Variants in TFEC observed in about 807,000 individuals in gnomAD.
TFEC encodes transcription factor EC.
A neutral mutation model predicts 41.6 loss-of-function variants in TFEC; 31 were observed. That is an observed-to-expected ratio of 0.74 (90% confidence interval 0.56 to 1.01). TFEC has a LOEUF of 1.01. Ranked by LOEUF, TFEC falls within the 50% of genes least tolerant of loss-of-function variation. TFEC has a pLI of 0.00. For missense variants in TFEC, 402 were observed against 404.1 expected, an observed-to-expected ratio of 0.99 and a Z score of 0.04; for synonymous variants, 143 against 140.6, an observed-to-expected ratio of 1.02 and a Z score of -0.12.
chr7:116,074,292 C>T (rs62475197), intron 3 of TFEC, among the ~76,000 whole-genome samples: 16,526 of 151,602 alleles, frequency 0.11, 1,166 homozygotes, highest in Middle Eastern at 0.17. Context: ...GTTTGTCCTC[C>T]AAAGAACACC....
intron 1 of TFEC, among the ~76,000 whole-genome samples, chr7:116,008,790 T>G (rs1794897355): frequency 6.6e-6 from 1 of 152,178 alleles, no homozygotes; most frequent in African/African-American, 2.4e-5. Context: ...TGAACTAAAG[T>G]AGAGCCCGGT....
intron 3 of TFEC, among the ~76,000 whole-genome samples, chr7:115,963,478 T>C (rs889648948): frequency 6.6e-6 from 1 of 151,706 alleles, no homozygotes; most frequent in Non-Finnish European, 1.5e-5. Context: ...AAACAGATAA[T>C]TGTACACCAG....
At chr7:116,046,913 T>G (rs899907001) in intron 3 of TFEC, among the ~76,000 whole-genome samples, 1 of 152,244 alleles carries the variant, frequency 6.6e-6, no homozygotes, top group Non-Finnish European at 1.5e-5. Context: ...CCCTTGAATT[T>G]ATTATTTAAA....
At chr7:116,110,575 G>T in intron 3 of TFEC, 1 of 524,150 alleles carries the variant, frequency 1.9e-6, no homozygotes, top group Non-Finnish European at 3.0e-6. Flanking sequence ...ACTGGAAATT[G>T]GGAGGAAGCC....
In TFEC at chr7:115,935,284, A is replaced by G. The variant is rs1793174760; in HGVS notation, c.*5267T>C. 6.6e-6 allele frequency: 1 copy of G among 152,016 alleles called. No homozygotes were observed. Among genetic ancestry groups the G allele is most frequent in the Non-Finnish European group, 1.5e-5 (1 of 67,564 alleles). 9.4% of individuals were successfully genotyped at this position (152,016 alleles called of 1,614,324 possible). On this transcript the variant is annotated 3_prime_UTR_variant, in exon 8 of 8. Coordinates refer to ENST00000265440, the MANE Select transcript of TFEC (RefSeq NM_012252.4). ...ATTTTCTTAGAAAATAAGACACATT[A>G]CTTTGTTATTAAAAATGAAAAATAG...
At chr7:116,051,111 T>C (rs1796300382) in intron 3 of TFEC, among the ~76,000 whole-genome samples, 2 of 151,592 alleles carry the variant, frequency 1.3e-5, no homozygotes, top group South Asian at 2.1e-4. Flanking sequence ...AACACTTGGA[T>C]GCAGGGTGGG....
intron 1 of TFEC, among the ~76,000 whole-genome samples, chr7:116,020,403 A>G (rs1356029429): frequency 6.6e-6 from 1 of 152,206 alleles, no homozygotes; most frequent in Non-Finnish European, 1.5e-5. Context: ...AAGCAACAAG[A>G]TGATCGCTGA....
intron 3 of TFEC, among the ~76,000 whole-genome samples, chr7:116,071,333 G>C (rs1796822465): frequency 6.7e-6 from 1 of 149,906 alleles, no homozygotes; most frequent in Non-Finnish European, 1.5e-5. Flanking sequence ...TTTCATCACA[G>C]CAGGCATACT....
intron 3 of TFEC, among the ~76,000 whole-genome samples, chr7:115,965,089 TG>T (rs1792776149): frequency 1.3e-5 from 2 of 151,618 alleles, no homozygotes; most frequent in Non-Finnish European, 3.0e-5. Flanking sequence ...TGGAGTTTTC[TG>T]TATAGTTTTA....
intron 3 of TFEC, among the ~76,000 whole-genome samples, chr7:116,076,823 G>C (rs927492326): frequency 6.6e-6 from 1 of 152,110 alleles, no homozygotes; most frequent in Non-Finnish European, 1.5e-5. Flanking sequence ...TGAGGAAGAA[G>C]AGAAATCTAA....
chr7:116,104,831 G>A (rs1266450648), intron 3 of TFEC, among the ~76,000 whole-genome samples: 1 of 151,258 alleles, frequency 6.6e-6, no homozygotes, highest in Non-Finnish European at 1.5e-5. Context: ...AAATGTAAAT[G>A]AGATTTATAT....
chr7:115,978,017 C>T (rs186305828), intron 2 of TFEC, among the ~76,000 whole-genome samples: 25 of 152,008 alleles, frequency 1.6e-4, no homozygotes, highest in African/African-American at 5.8e-4. Flanking sequence ...AGCATAGTAA[C>T]TTAAAACATA....
At chr7:116,153,121 C>A (rs936783799) in intron 1 of TFEC, among the ~76,000 whole-genome samples, 2 of 152,110 alleles carry the variant, frequency 1.3e-5, no homozygotes, top group African/African-American at 4.8e-5. Flanking sequence ...CAATATAAAT[C>A]CCAGCCTGAA....
At chr7:116,090,971 G>A (rs538064198) in intron 3 of TFEC, among the ~76,000 whole-genome samples, 2 of 151,930 alleles carry the variant, frequency 1.3e-5, no homozygotes, top group East Asian at 1.9e-4. Context: ...TGTCGGGGGT[G>A]GGGGGCAAGG....
intron 3 of TFEC, among the ~76,000 whole-genome samples, chr7:116,060,817 T>G (rs1032822438): frequency 6.6e-6 from 1 of 152,064 alleles, no homozygotes; most frequent in African/African-American, 2.4e-5. Flanking sequence ...GTGACACTTG[T>G]TTACCTATAT....
chr7:116,013,341 T>C (rs1054315912), intron 1 of TFEC, among the ~76,000 whole-genome samples: 12 of 152,104 alleles, frequency 7.9e-5, no homozygotes, highest in Admixed American at 2.6e-4. Context: ...AGCTGCATTT[T>C]CCCCTTGTAA....
In TFEC at chr7:115,938,352, A is replaced by G. The variant is rs1562869993; in HGVS notation, c.*2199T>C. 6.6e-6 allele frequency: 1 copy of G among 152,008 alleles called. No homozygotes were observed. The highest frequency in any genetic ancestry group is 1.5e-5 in the Non-Finnish European group (1 of 67,918). 9.4% of individuals were successfully genotyped at this position (152,008 alleles called of 1,614,324 possible). ...TCCTTATCTATAATTTTTAACATTT[A>G]ATCAAATTATCAACTCAGATAATGA... On this transcript the variant is annotated 3_prime_UTR_variant, in exon 8 of 8. Coordinates refer to ENST00000265440, the MANE Select transcript of TFEC (RefSeq NM_012252.4).
chr7:116,136,085 T>C (rs987289279), intron 1 of TFEC, among the ~76,000 whole-genome samples: 2 of 152,056 alleles, frequency 1.3e-5, no homozygotes, highest in South Asian at 2.1e-4. Flanking sequence ...ATCCTTTCTA[T>C]ATGTTTCTCT....
chr7:116,005,918 G>T (rs2130793785), intron 1 of TFEC, among the ~76,000 whole-genome samples: 1 of 152,340 alleles, frequency 6.6e-6, no homozygotes, highest in East Asian at 1.9e-4. Flanking sequence ...GTGACTAAAA[G>T]GGGCCAAGGT....
Sources: gnomAD v4.1 joint callset for allele counts (sites outside exome capture counted in the v4.1 genomes callset) on GRCh38, gnomAD v4.1.1 for gene constraint, MANE v1.5 for transcripts, NCBI Gene and HGNC (gene_info 2026-07-23, HGNC 2026-07-21) for gene names.